SLIT2: variants seen among roughly 807,000 people sequenced by gnomAD.
The protein encoded by SLIT2 is slit homolog 2 protein.
A neutral mutation model predicts 185.7 loss-of-function variants in SLIT2; 41 were observed. The ratio of observed to expected loss-of-function variants is 0.22; its 90% confidence interval spans 0.17 to 0.29. The LOEUF (loss-of-function observed/expected upper bound fraction) is 0.29, where lower values mean the gene tolerates loss of function less well. SLIT2 is among the 10% of genes least tolerant of loss of function. SLIT2 has a pLI of 1.00. For missense variants in SLIT2, 1,571 were observed against 1,909.0 expected, an observed-to-expected ratio of 0.82 and a Z score of 3.30; for synonymous variants, 693 against 680.2, an observed-to-expected ratio of 1.02 and a Z score of -0.29.
rs988999593 is a variant in SLIT2, at chr4:20,521,413, G to A, written c.1130+1960G>A. ...GCAGGGAAATAAAAGAAACAAAACAGATTGTTGTTTAATATTTATTTACTG... is the reference window on the plus strand; with the variant it reads ...GCAGGGAAATAAAAGAAACAAAACAAATTGTTGTTTAATATTTATTTACTG... On this transcript the variant is annotated intron_variant, in intron 12 of 36. Coordinates refer to ENST00000504154, the MANE Select transcript of SLIT2 (RefSeq NM_004787.4). 8.5e-5 allele frequency among the ~76,000 whole-genome samples: 13 copies of A among 152,300 alleles called. No individual in the cohort carries two copies. In the East Asian group the frequency reaches 2.1e-3, roughly 25 times the overall value.
chr4:20,516,015 C>G lies in SLIT2; in HGVS notation c.1059-3367C>G, dbSNP rs547352695. Among the ~76,000 whole-genome samples, 20 of 152,330 alleles carry G rather than the reference C, an allele frequency of 1.3e-4. No homozygotes were observed. In the South Asian group the frequency reaches 4.1e-3, roughly 32 times the overall value. Reference sequence around the variant, plus strand: ...TATTTTTAGTAGAGACAGGGTTTCACTGCGTTGGCCAGGCTGGTCTTGAAC... The same window carrying G: ...TATTTTTAGTAGAGACAGGGTTTCAGTGCGTTGGCCAGGCTGGTCTTGAAC... On this transcript the variant is annotated intron_variant, in intron 11 of 36. Transcript: ENST00000504154.
At chr4:20,432,026 T>A (rs986562170) in intron 4 of SLIT2, among the ~76,000 whole-genome samples, 3 of 149,666 alleles carry the variant, frequency 2.0e-5, no homozygotes, top group Admixed American at 6.6e-5. Flanking sequence ...CTTGTGTGTG[T>A]GAGAGAGAGA....
intron 22 of SLIT2, among the ~76,000 whole-genome samples, chr4:20,548,267 A>G (rs1017747154): frequency 5.9e-5 from 9 of 152,072 alleles, no homozygotes; most frequent in African/African-American, 1.7e-4. Flanking sequence ...AGCAATGCAT[A>G]TATATATAAT....
intron 34 of SLIT2, chr4:20,616,702 A>G (rs920865173): frequency 2.1e-6 from 1 of 465,906 alleles, no homozygotes; most frequent in African/African-American, 2.0e-5. Context: ...CTAGTTGTGG[A>G]TTAGAATTTC....
intron 4 of SLIT2, among the ~76,000 whole-genome samples, chr4:20,433,301 C>G (rs1443193012): frequency 6.6e-6 from 1 of 152,194 alleles, no homozygotes; most frequent in Non-Finnish European, 1.5e-5. Context: ...CATTATCTAT[C>G]TGTGGGTGAA....
chr4:20,553,068 C>T (rs1406502337), intron 25 of SLIT2, among the ~76,000 whole-genome samples: 3 of 152,140 alleles, frequency 2.0e-5, no homozygotes, highest in Non-Finnish European at 2.9e-5. Context: ...GTAAAATGAA[C>T]GATCTTGAAA....
intron 3 of SLIT2, among the ~76,000 whole-genome samples, chr4:20,258,190 G>T (rs528105416): frequency 6.6e-6 from 1 of 151,700 alleles, no homozygotes; most frequent in Non-Finnish European, 1.5e-5. Context: ...CATTGCTTTG[G>T]TACTTAAAGA....
rs749656086 is a variant in SLIT2 at position 20,253,864 on chromosome 4, C to T, written c.49C>T (p.Leu17=). The change falls in exon 1 of 37, where the codon CTG becomes TTG. Residue 17 remains leucine (L), a synonymous_variant. Transcript: ENST00000504154. ...QMLSLSLGLV[L]AILNKVAPQA... is the part of the protein sequence containing the mutation. ...GCTGTCCCTGTCGCTGGGGTTAGTG[C>T]TGGCGATCCTGAACAAGGTGGCACC... 51 of 1,600,756 alleles carry T rather than the reference C, an allele frequency of 3.2e-5. No homozygotes were observed. The East Asian group carries it at 4.2e-4, about 13-fold the overall frequency.
At chr4:20,283,841 T>C (rs934611568) in intron 4 of SLIT2, among the ~76,000 whole-genome samples, 3 of 152,178 alleles carry the variant, frequency 2.0e-5, no homozygotes, top group Non-Finnish European at 4.4e-5. Context: ...TGCCTAAAGA[T>C]CTATTCTTAA....
At chr4:20,419,945 A>G (rs908300943) in intron 4 of SLIT2, among the ~76,000 whole-genome samples, 2 of 152,072 alleles carry the variant, frequency 1.3e-5, no homozygotes, top group Non-Finnish European at 2.9e-5. Context: ...ATTTAAAGTA[A>G]GTCAATGTGG....
At chr4:20,456,395 T>G (rs1713075146) in intron 4 of SLIT2, among the ~76,000 whole-genome samples, 1 of 152,170 alleles carries the variant, frequency 6.6e-6, no homozygotes, top group African/African-American at 2.4e-5. Context: ...TGTCCATTTC[T>G]TCTTACCAGA....
At chr4:20,607,282 A>G (rs1728864278) in intron 33 of SLIT2, among the ~76,000 whole-genome samples, 1 of 152,212 alleles carries the variant, frequency 6.6e-6, no homozygotes, top group African/African-American at 2.4e-5. Flanking sequence ...CGATACTGCC[A>G]CTGAAACTTC....
At chr4:20,262,218 T>A (rs187963926) in intron 3 of SLIT2, among the ~76,000 whole-genome samples, 18 of 151,930 alleles carry the variant, frequency 1.2e-4, no homozygotes, top group African/African-American at 4.3e-4. Flanking sequence ...AAGACAAATT[T>A]ATTTTTTTTA....
At chr4:20,302,149 C>A (rs1215384222) in intron 4 of SLIT2, among the ~76,000 whole-genome samples, 1 of 152,214 alleles carries the variant, frequency 6.6e-6, no homozygotes, top group Non-Finnish European at 1.5e-5. Flanking sequence ...AAACACATGA[C>A]ACATTTCAGA....
At chr4:20,540,078 G>A (rs1006160737) in intron 19 of SLIT2, among the ~76,000 whole-genome samples, 14 of 152,080 alleles carry the variant, frequency 9.2e-5, no homozygotes, top group African/African-American at 2.9e-4. Context: ...AAGGTCAGGC[G>A]TTCGAGACCA....
intron 4 of SLIT2, among the ~76,000 whole-genome samples, chr4:20,335,137 C>T (rs549968065): frequency 6.6e-6 from 1 of 152,226 alleles, no homozygotes; most frequent in South Asian, 2.1e-4. Context: ...GGGGGTCCCT[C>T]CCAAGTCACC....
chr4:20,563,786 A>G (rs1299222859), intron 26 of SLIT2, among the ~76,000 whole-genome samples: 2 of 151,448 alleles, frequency 1.3e-5, no homozygotes, highest in Non-Finnish European at 3.0e-5. Context: ...ACCTATTCCA[A>G]CTCTCTGGAA....
chr4:20,438,330 G>C (rs968985892), intron 4 of SLIT2, among the ~76,000 whole-genome samples: 4 of 152,154 alleles, frequency 2.6e-5, no homozygotes, highest in Non-Finnish European at 5.9e-5. Context: ...CCACATGGCT[G>C]GGGAGGCCTC....
Position 20,396,536 on chromosome 4 carries a change from T to A in SLIT2, c.396-71216T>A, listed in dbSNP as rs1307373158. The stretch of plus-strand genomic sequence containing the variant: ...GTGTTGTTATTACCAGAAAGGTTGA[T>A]AATTTGCAAAATAAGTACAGATAAG... On this transcript the variant is annotated intron_variant, in intron 4 of 36. Coordinates refer to ENST00000504154, the MANE Select transcript of SLIT2 (RefSeq NM_004787.4). 2.6e-5 allele frequency among the ~76,000 whole-genome samples: 4 copies of A among 151,944 alleles called. No homozygotes were observed. In the East Asian group the frequency reaches 7.7e-4, roughly 29 times the overall value.
Sources: allele counts gnomAD v4.1 joint callset (sites outside exome capture counted in the v4.1 genomes callset), GRCh38; gene constraint gnomAD v4.1.1; transcripts MANE v1.5; gene names NCBI Gene and HGNC (gene_info 2026-07-23, HGNC 2026-07-21).